The following NREP variants were observed in gnomAD, a reference collection of about 807,000 sequenced individuals.
The protein encoded by NREP is neuronal regeneration-related protein.
A neutral mutation model predicts 8.6 loss-of-function variants in NREP; 5 were observed. The ratio of observed to expected loss-of-function variants is 0.58; its 90% CI spans 0.30 to 1.22. The LOEUF is 1.22. Ranked by LOEUF, NREP falls within the 50% of genes most tolerant of loss-of-function variation. NREP has a pLI of 0.07. For synonymous variants in NREP, 27 were observed against 28.0 expected, an observed-to-expected ratio of 0.96 and a Z score of 0.11; for missense variants, 86 against 82.5, an observed-to-expected ratio of 1.04 and a Z score of -0.17.
upstream of NREP, chr5:111,757,343 G>C (rs546789630): frequency 1.1e-6 from 1 of 879,156 alleles, no homozygotes; most frequent in East Asian, 1.2e-4. Context: ...AAGAAGTGCA[G>C]CCTTGGAAAA....
At chr5:111,938,711 G>A (rs115535429) in intron 2 of NREP, among the ~76,000 whole-genome samples, 3,580 of 152,090 alleles carry the variant, frequency 0.024, 54 homozygotes, top group Non-Finnish European at 0.028. Context: ...GCCTTCGTAC[G>A]TGTAAAGTAC....
chr5:111,974,157 C>A (rs991529225), intron 2 of NREP, among the ~76,000 whole-genome samples: 2 of 152,168 alleles, frequency 1.3e-5, no homozygotes, highest in African/African-American at 4.8e-5. Flanking sequence ...TGTATAGTGT[C>A]CGTGTTCCTC....
At chr5:111,767,233 T>G (rs1751105858) in intron 2 of NREP, among the ~76,000 whole-genome samples, 1 of 152,204 alleles carries the variant, frequency 6.6e-6, no homozygotes, top group Admixed American at 6.5e-5. Context: ...ATATTTATGT[T>G]TTAAAGTCTG....
chr5:111,862,222 G>C (rs1753558621), intron 2 of NREP, among the ~76,000 whole-genome samples: 1 of 152,140 alleles, frequency 6.6e-6, no homozygotes, highest in African/African-American at 2.4e-5. Context: ...TTTGATTCCA[G>C]CATTTATCCA....
At chr5:111,959,009 C>G (rs1326808557) in intron 2 of NREP, among the ~76,000 whole-genome samples, 1 of 150,908 alleles carries the variant, frequency 6.6e-6, no homozygotes, top group Non-Finnish European at 1.5e-5. Context: ...ATTTGGTTTT[C>G]AGAAAGAAAA....
At chr5:111,816,837 A>G (rs1226449919) in intron 2 of NREP, among the ~76,000 whole-genome samples, 1 of 151,794 alleles carries the variant, frequency 6.6e-6, no homozygotes, top group East Asian at 1.9e-4. Context: ...ACTGCAGACT[A>G]TATAAAAATA....
chr5:111,911,705 T>C (rs1372282853), intron 2 of NREP, among the ~76,000 whole-genome samples: 3 of 152,064 alleles, frequency 2.0e-5, no homozygotes, highest in Non-Finnish European at 4.4e-5. Flanking sequence ...TTGACTTTGG[T>C]GAGAGGGTCT....
At chr5:111,796,498 C>T (rs17133768) in intron 2 of NREP, among the ~76,000 whole-genome samples, 2 of 152,068 alleles carry the variant, frequency 1.3e-5, no homozygotes, top group Non-Finnish European at 2.9e-5. Context: ...GTCTCTAAGC[C>T]GAGAAGGCAG....
chr5:111,840,485 A>G (rs936779401), intron 2 of NREP, among the ~76,000 whole-genome samples: 1 of 152,124 alleles, frequency 6.6e-6, no homozygotes, highest in Non-Finnish European at 1.5e-5. Context: ...ACAGGAGAGA[A>G]TAAACAAACT....
At chr5:111,820,888 A>G (rs1217472250) in intron 2 of NREP, among the ~76,000 whole-genome samples, 2 of 152,206 alleles carry the variant, frequency 1.3e-5, no homozygotes, top group Admixed American at 6.5e-5. Context: ...ATCTAATCCT[A>G]TAAGTATATT....
intron 2 of NREP, among the ~76,000 whole-genome samples, chr5:111,907,253 C>T (rs989365623): frequency 2.6e-5 from 4 of 151,986 alleles, no homozygotes; most frequent in African/African-American, 4.8e-5. Context: ...TATTTAAAAA[C>T]GTATCTTCAA....
In NREP at chr5:111,756,327, G is replaced by GT; in HGVS notation, c.-58-498_-58-497insA. 2 of 736,762 alleles carry GT rather than the reference G, an allele frequency of 2.7e-6. 1 individual carries two copies. Among genetic ancestry groups the GT allele is most frequent in the Non-Finnish European group, 3.3e-6 (2 of 606,524 alleles). 45.6% of individuals were successfully genotyped at this position (736,762 alleles called of 1,614,324 possible). A position where few individuals can be genotyped will look rare whatever the true frequency, so the allele number is the denominator to read the frequency against. On this transcript the variant is annotated intron_variant, in intron 1 of 3. Transcript: ENST00000257435. ...AAAAAAAAAAACCCTACACGGCGGGGGGGGTGGGGGGAGTCAGGAATATAC... is the reference window on the plus strand; with the variant it reads ...AAAAAAAAAAACCCTACACGGCGGGGTGGGGTGGGGGGAGTCAGGAATATAC...
rs545768416 is a variant in NREP at position 111,828,033 on chromosome 5, A to T, written c.136-92526T>A. 5.8e-4 allele frequency among the ~76,000 whole-genome samples: 85 copies of T among 146,680 alleles called. No homozygotes were observed. In the East Asian group the frequency reaches 0.012, roughly 20 times the overall value. On this transcript the variant is annotated intron_variant, in intron 2 of 3. Coordinates refer to the NREP transcript ENST00000395634. ...ATACAAAATATATATTTCCTTTAGA[A>T]TTTTTTTTTTTTTAAGACGGAGTTT... is the stretch of plus-strand genomic sequence containing the variant.
rs115871049 is a variant in NREP, at chr5:111,965,648, C to A, written c.135+9626G>T. Among the ~76,000 whole-genome samples, 923 of 152,260 alleles carry A rather than the reference C, an allele frequency of 6.1e-3. 5 individuals are homozygous for A. Among genetic ancestry groups the A allele is most frequent in the African/African-American group, 0.021 (889 of 41,554 alleles). On this transcript the variant is annotated intron_variant, in intron 2 of 3. Coordinates refer to the NREP transcript ENST00000395634. ...AACATATCCAGCTATAATGTCATTT[C>A]ATCTGTAAACATATCACTATATATC...
At chr5:111,881,914 G>C (rs1185842413) in intron 2 of NREP, among the ~76,000 whole-genome samples, 3 of 152,146 alleles carry the variant, frequency 2.0e-5, no homozygotes, top group African/African-American at 7.2e-5. Flanking sequence ...ACTCTAAAAA[G>C]CAGAGCACCT....
At chr5:111,933,866 G>C (rs997780855) in intron 2 of NREP, among the ~76,000 whole-genome samples, 22 of 152,122 alleles carry the variant, frequency 1.4e-4, no homozygotes, top group Admixed American at 1.2e-3. Flanking sequence ...GATAGTCGCA[G>C]AAACCAGAAA....
upstream of NREP, among the ~76,000 whole-genome samples, chr5:111,759,830 C>T (rs1750919188): frequency 6.6e-6 from 1 of 152,184 alleles, no homozygotes; most frequent in Admixed American, 6.5e-5. Context: ...TCCATCTATC[C>T]TGTAGGTGTT....
At chr5:111,899,922 A>G (rs1295933248) in intron 2 of NREP, among the ~76,000 whole-genome samples, 1 of 152,184 alleles carries the variant, frequency 6.6e-6, no homozygotes, top group African/African-American at 2.4e-5. Context: ...CAGAAAATCA[A>G]CAAAGAAACA....
intron 2 of NREP, among the ~76,000 whole-genome samples, chr5:111,849,960 C>T (rs1467788485): frequency 6.6e-5 from 10 of 152,118 alleles, no homozygotes; most frequent in African/African-American, 2.4e-4. Flanking sequence ...GCTGAAGGGG[C>T]CTGGGACACT....
Sources: allele counts gnomAD v4.1 joint callset (sites outside exome capture counted in the v4.1 genomes callset), GRCh38; gene constraint gnomAD v4.1.1; transcripts MANE v1.5; gene names NCBI Gene and HGNC (gene_info 2026-07-23, HGNC 2026-07-21).